Variants in DOCK7 observed in about 807,000 individuals in gnomAD.
DOCK7 encodes the protein dedicator of cytokinesis 7, also known as dedicator of cytokinesis protein 7.
DOCK7 carries 138 observed loss-of-function variants against 271.0 expected under a neutral mutation model. That is an observed-to-expected ratio of 0.51 (90% CI 0.44 to 0.59). The LOEUF is 0.59. DOCK7 is among the 20% of genes least tolerant of loss of function. The probability of loss-of-function intolerance (pLI) is 0.00; values close to 1 mark genes in which losing one functional copy is unlikely to be tolerated. For missense variants in DOCK7, 2,066 were observed against 2,592.4 expected (o/e 0.80, Z 4.41); for synonymous variants, 823 against 876.1 (o/e 0.94, Z 1.07).
chr1:62,549,032 G>C (rs971215079), intron 22 of DOCK7, among the ~76,000 whole-genome samples: 1 of 152,160 alleles, frequency 6.6e-6, no homozygotes, highest in Non-Finnish European at 1.5e-5. Context: ...CTGATAAGCT[G>C]ACCAAGGTAG....
intron 39 of DOCK7, 159 bp downstream of exon 39, chr1:62,495,422 T>A: frequency 2.1e-6 from 1 of 477,644 alleles, no homozygotes. Flanking sequence ...TAAAACCCCA[T>A]CTCTACAAAA....
chr1:62,552,720 T>C lies in DOCK7; in HGVS notation c.2766+12A>G. On this transcript the variant is annotated intron_variant, in intron 22 of 49. Transcript: ENST00000635253. ...CAAAAACCAAATTTACAGATGCATG[T>C]CTTCAGTTTACCTTACTCCCGATGA... The C allele has an allele frequency of 6.3e-7, 1 of 1,585,630 alleles. No homozygotes were observed. The highest frequency in any genetic ancestry group is 1.3e-5 in the African/African-American group (1 of 74,202).
chr1:62,485,305 A>G (rs975559584), intron 43 of DOCK7: 1 of 985,268 alleles, frequency 1.0e-6, no homozygotes, highest in African/African-American at 1.7e-5. Flanking sequence ...TTGCATGGTA[A>G]AGACTTTACT....
intron 48 of DOCK7, 83 bp from the exon 49 acceptor site, chr1:62,457,788 CATATAT>C: frequency 8.0e-7 from 1 of 1,246,142 alleles, no homozygotes; most frequent in Non-Finnish European, 1.1e-6. Flanking sequence ...AATACATATA[CATATAT>C]ATGTGGGCTT....
In DOCK7 at chr1:62,578,811, G is replaced by C; in HGVS notation, c.2010+17C>G. ...ATTTTAGCTCTTTGATCTAAATATTGAACCAAAAGGACTCACTGTATATCC... is the reference window on the plus strand; with the variant it reads ...ATTTTAGCTCTTTGATCTAAATATTCAACCAAAAGGACTCACTGTATATCC... On this transcript the variant is annotated intron_variant, in intron 17 of 49. Transcript: ENST00000635253. 7.0e-7 allele frequency: 1 copy of C among 1,426,298 alleles called. No homozygotes were observed. The highest frequency in any genetic ancestry group is 9.3e-7 in the Non-Finnish European group (1 of 1,075,712). The allele number at this position is 1,426,298 out of a possible 1,614,324, so 88.4% of individuals were successfully genotyped here.
At position 62,596,878 on chromosome 1, in the gene DOCK7, GA is replaced by G. The variant is rs554752701; in HGVS notation, c.1683-10255del. Among the ~76,000 whole-genome samples the G allele has an allele frequency of 1.8e-3, 277 of 152,180 alleles. 1 individual carries two copies. The highest frequency in any genetic ancestry group is 6.5e-3 in the African/African-American group (269 of 41,526). On this transcript the variant is annotated intron_variant, in intron 14 of 49. Transcript: ENST00000635253. Reference sequence around the variant, plus strand: ...CAGAACACAGTGGAGAAAAGGGAGTGAAATGTCTTTAATGACACTTACTATA... The same window carrying G: ...CAGAACACAGTGGAGAAAAGGGAGTGAATGTCTTTAATGACACTTACTATA...
Position 62,529,369 on chromosome 1 carries a change from G to T in DOCK7, c.3689C>A (p.Ser1230Tyr), listed in dbSNP as rs765024443. Residue 1230 changes from serine to tyrosine, a missense_variant, in exon 30 of 50, where the codon TCT becomes TAT. Coordinates refer to ENST00000635253, the MANE Select transcript of DOCK7 (RefSeq NM_001367561.1). ...CACTCGAGCCTTTATCTGAGGGTCA[G>T]AGTACCGCGGGTCTGAGTCGTGACT... Reference protein sequence around the residue: ...LSSHDSDPRYSDPQIKARVAM... With the variant: ...LSSHDSDPRYYDPQIKARVAM... The T allele has an allele frequency of 6.2e-6, 10 of 1,613,700 alleles. No individual in the cohort carries two copies. Among genetic ancestry groups the T allele is most frequent in the Non-Finnish European group, 8.5e-6 (10 of 1,179,954 alleles).
In DOCK7 at chr1:62,673,754, T is replaced by C. The variant is rs575559615; in HGVS notation, c.39-10624A>G. Among the ~76,000 whole-genome samples the C allele has an allele frequency of 5.9e-5, 9 of 152,286 alleles. No individual in the cohort carries two copies. The East Asian group carries it at 1.7e-3, about 29-fold the overall frequency. ...CTCTTAAATATTTCTCAAATCCTTG[T>C]CCCCACCTTTCCTTTTTTACAACAT... is the stretch of plus-strand genomic sequence containing the variant. On this transcript the variant is annotated intron_variant, in intron 1 of 49. Transcript: ENST00000635253.
chr1:62,567,361 G>T (rs1289548080), intron 18 of DOCK7, among the ~76,000 whole-genome samples: 5 of 152,170 alleles, frequency 3.3e-5, no homozygotes, highest in African/African-American at 1.2e-4. Context: ...GGAATACTAT[G>T]CAGCCATAAA....
chr1:62,567,278 C>G (rs1179234358), intron 18 of DOCK7, among the ~76,000 whole-genome samples: 1 of 152,172 alleles, frequency 6.6e-6, no homozygotes, highest in Non-Finnish European at 1.5e-5. Context: ...TTCACAAGAG[C>G]AAAGACTTGG....
At position 62,496,433 on chromosome 1, in the gene DOCK7, T is replaced by C. The variant is rs759464994; in HGVS notation, c.4829A>G (p.Asn1610Ser). ...SLSSLVGTSQ[N>S]FNEEFLRRSL... ...ACGTCTTAAGAATTCTTCATTAAAA[T>C]TCTGAGATGTGCCCACCAAGGAGGA... is the stretch of plus-strand genomic sequence containing the variant. Residue 1610 changes from asparagine (N) to serine (S), a missense_variant, in exon 38 of 50, where the codon AAT becomes AGT. Physicochemically the swap from Asn to Ser is conservative, Grantham distance 46. Coordinates refer to ENST00000635253, the MANE Select transcript of DOCK7 (RefSeq NM_001367561.1). 1 of 1,613,664 alleles carries C rather than the reference T, an allele frequency of 6.2e-7. No individual in the cohort carries two copies. The highest frequency in any genetic ancestry group is 8.5e-7 in the Non-Finnish European group (1 of 1,179,730).
chr1:62,647,535 C>A (rs1227316219), intron 7 of DOCK7, among the ~76,000 whole-genome samples, 156 bp downstream of exon 7: 1 of 152,104 alleles, frequency 6.6e-6, no homozygotes, highest in Non-Finnish European at 1.5e-5. Context: ...TTCATACATA[C>A]GTTTGAATGC....
At position 62,475,193 on chromosome 1, in the gene DOCK7, G is replaced by C. The variant is rs369433570; in HGVS notation, c.6105+15C>G. On this transcript the variant is annotated intron_variant, in intron 47 of 49. Transcript: ENST00000635253. ...TTACAGCTTAAATCACACAGTGCTA[G>C]CAAAAAGCACTAACCTGATTCACTG... 6.2e-7 allele frequency: 1 copy of C among 1,608,830 alleles called. No individual in the cohort carries two copies. The highest frequency in any genetic ancestry group is 1.1e-5 in the South Asian group (1 of 90,216).
At chr1:62,671,909 A>C (rs1660053899) in intron 1 of DOCK7, among the ~76,000 whole-genome samples, 1 of 151,942 alleles carries the variant, frequency 6.6e-6, no homozygotes, top group African/African-American at 2.4e-5. Context: ...TTCAAGCCCT[A>C]CTATTACATA....
At chr1:62,486,339 C>G (rs1276216232) in intron 43 of DOCK7, 1 of 152,002 alleles carries the variant, frequency 6.6e-6, no homozygotes, top group Non-Finnish European at 1.5e-5. Flanking sequence ...CTATTTGGGT[C>G]TTAAAACAAG....
chr1:62,657,723 T>C (rs566087658), intron 2 of DOCK7, among the ~76,000 whole-genome samples: 11 of 151,994 alleles, frequency 7.2e-5, no homozygotes, highest in African/African-American at 2.4e-4. Context: ...AAACAGAAGA[T>C]ATAAAGAACT....
chr1:62,626,467 G>A (rs764362228), intron 11 of DOCK7, among the ~76,000 whole-genome samples: 2 of 149,542 alleles, frequency 1.3e-5, no homozygotes, highest in Non-Finnish European at 3.0e-5. Context: ...AGATAAACCC[G>A]ACAAATCTTT....
At chr1:62,555,271 A>G (rs1646103162) in intron 21 of DOCK7, 1 of 152,292 alleles carries the variant, frequency 6.6e-6, no homozygotes, top group Admixed American at 6.5e-5. Context: ...GTAGGTTTCA[A>G]AGGGTTTTCA....
chr1:62,564,052 A>T (rs920385761), intron 18 of DOCK7, among the ~76,000 whole-genome samples: 2 of 152,098 alleles, frequency 1.3e-5, no homozygotes, highest in Admixed American at 6.6e-5. Flanking sequence ...CCAATAGAAG[A>T]GCACCCAGAT....
Sources: allele counts gnomAD v4.1 joint callset (sites outside exome capture counted in the v4.1 genomes callset), GRCh38; gene constraint gnomAD v4.1.1; transcripts MANE v1.5; gene names NCBI Gene and HGNC (gene_info 2026-07-23, HGNC 2026-07-21).